Variants in DCAF1 observed in about 807,000 individuals in gnomAD.
DCAF1 encodes DDB1- and CUL4-associated factor 1.
Under a neutral mutation model 128.0 loss-of-function variants are expected in DCAF1, and 15 were observed. That is an observed-to-expected ratio of 0.12 (90% CI 0.08 to 0.18). DCAF1 has a LOEUF of 0.18. DCAF1 is among the 10% of genes least tolerant of loss of function. The pLI, the probability that DCAF1 is intolerant of heterozygous loss-of-function variation, is 1.00. For missense variants in DCAF1, 988 were observed against 1,649.5 expected (o/e 0.60, Z 6.95); for synonymous variants, 610 against 603.0 (o/e 1.01, Z -0.17).
chr3:51,424,058 G>A (rs797031859), intron 13 of DCAF1, among the ~76,000 whole-genome samples: 3 of 152,114 alleles, frequency 2.0e-5, no homozygotes, highest in African/African-American at 7.2e-5. Context: ...AAAAATGTAA[G>A]ATATAAAATT....
Position 51,465,110 on chromosome 3 carries a change from T to C in DCAF1, c.261+1693A>G, listed in dbSNP as rs564834144. On this transcript the variant is annotated intron_variant, in intron 5 of 24. Coordinates refer to ENST00000684031, the MANE Select transcript of DCAF1 (RefSeq NM_001387579.1). ...GTTATTTCAGTAACCAAGTGAAAAA[T>C]TGTTGGCTAAACGGTGGTCTAGCTA... Among the ~76,000 whole-genome samples, 7 of 152,266 alleles carry C rather than the reference T, an allele frequency of 4.6e-5. No homozygotes were observed. The South Asian group carries it at 8.3e-4, about 18-fold the overall frequency.
chr3:51,461,843 A>G (rs1224479897), intron 6 of DCAF1, among the ~76,000 whole-genome samples: 1 of 152,104 alleles, frequency 6.6e-6, no homozygotes, highest in African/African-American at 2.4e-5. Flanking sequence ...GTTCTCACTC[A>G]TAGGTGGGAA....
At chr3:51,427,755 C>CA (rs1266838115) in intron 12 of DCAF1, among the ~76,000 whole-genome samples, 4 of 152,126 alleles carry the variant, frequency 2.6e-5, no homozygotes, top group Admixed American at 6.5e-5. Context: ...GTCTCAGCAT[C>CA]CCAAGTAGCT....
intron 12 of DCAF1, 117 bp from the exon 13 acceptor site, chr3:51,427,658 G>A: frequency 2.3e-6 from 1 of 430,602 alleles, no homozygotes; most frequent in African/African-American, 2.0e-5. Context: ...TTCAAGACAG[G>A]GTCTCACTTT....
intron 18 of DCAF1, 94 bp downstream of exon 18, chr3:51,416,693 C>G: frequency 6.6e-7 from 1 of 1,514,104 alleles, no homozygotes; most frequent in Non-Finnish European, 8.9e-7. Flanking sequence ...TTCTAGTTGC[C>G]CAAAGGACTT....
downstream of DCAF1, chr3:51,396,031 G>C (rs1459248909): frequency 1.9e-5 from 8 of 412,174 alleles, no homozygotes; most frequent in Non-Finnish European, 3.5e-5. Flanking sequence ...TCCTGTTGCA[G>C]GCACACTGCA....
At position 51,496,731 on chromosome 3, in the gene DCAF1, T is replaced by G. The variant is rs1490686847; in HGVS notation, c.-9+3A>C. Among the ~76,000 whole-genome samples, 1 of 152,126 alleles carries G rather than the reference T, an allele frequency of 6.6e-6. No individual in the cohort carries two copies. The highest frequency in any genetic ancestry group is 1.5e-5 in the Non-Finnish European group (1 of 68,028). ...GATTCAAATCCCAACTCTGCTGACA[T>G]ACCTGTGAAGTCTTGGTTATTTAAC... On this transcript the variant is annotated splice_donor_region_variant and intron_variant, in intron 2 of 24. Transcript: ENST00000684031.
chr3:51,491,027 C>T (rs528974317), intron 2 of DCAF1, among the ~76,000 whole-genome samples: 2 of 137,044 alleles, frequency 1.5e-5, no homozygotes, highest in African/African-American at 2.8e-5. Flanking sequence ...CCTGAATAGG[C>T]ACAACAATCT....
At chr3:51,502,139 G>A (rs1708835058), upstream of DCAF1, among the ~76,000 whole-genome samples, 2 of 152,124 alleles carry the variant, frequency 1.3e-5, no homozygotes, top group Admixed American at 6.6e-5. Flanking sequence ...TGACTTCTCC[G>A]CTGGCTGGGG....
chr3:51,459,901 C>A (rs1309260284), intron 6 of DCAF1, among the ~76,000 whole-genome samples: 2 of 152,022 alleles, frequency 1.3e-5, no homozygotes, highest in East Asian at 3.9e-4. Context: ...TTGATGGGAC[C>A]TATCTCAAAA....
In DCAF1 at chr3:51,418,096, T is replaced by C; in HGVS notation, c.3518+20A>G. On this transcript the variant is annotated intron_variant, in intron 17 of 24. Transcript: ENST00000684031. Reference sequence around the variant, plus strand: ...CTAGGTAAATAAAGCACAGACTAGGTTCCAAAAGCAGATACATACTTCATA... The same window carrying C: ...CTAGGTAAATAAAGCACAGACTAGGCTCCAAAAGCAGATACATACTTCATA... 1 of 1,603,870 alleles carries C rather than the reference T, an allele frequency of 6.2e-7. No individual in the cohort carries two copies. Among genetic ancestry groups the C allele is most frequent in the Non-Finnish European group, 8.5e-7 (1 of 1,175,238 alleles).
At chr3:51,483,401 T>C (rs868917062) in intron 3 of DCAF1, among the ~76,000 whole-genome samples, 11 of 151,650 alleles carry the variant, frequency 7.3e-5, no homozygotes, top group Non-Finnish European at 1.2e-4. Flanking sequence ...GATCACACCA[T>C]TGTACTCCAG....
At chr3:51,456,376 CTGAG>C (rs535106520) in intron 6 of DCAF1, among the ~76,000 whole-genome samples, 62 of 152,342 alleles carry the variant, frequency 4.1e-4, no homozygotes, top group Middle Eastern at 3.4e-3. Flanking sequence ...CCCGCCATTG[CTGAG>C]TTAGTTGTTT....
chr3:51,458,627 C>T (rs1367508237), intron 6 of DCAF1, among the ~76,000 whole-genome samples: 2 of 152,166 alleles, frequency 1.3e-5, no homozygotes, highest in Non-Finnish European at 2.9e-5. Flanking sequence ...TTCAGCGCCA[C>T]ACCACACCTA....
At chr3:51,399,447 T>C (rs376885900) in intron 24 of DCAF1, among the ~76,000 whole-genome samples, 2 of 152,108 alleles carry the variant, frequency 1.3e-5, no homozygotes, top group Non-Finnish European at 2.9e-5. Context: ...ACAAGAGAAG[T>C]AGCTACCCAT....
Position 51,443,075 on chromosome 3 carries a change from TAAAATTTGA to T in DCAF1, c.513+682_513+690del, listed in dbSNP as rs1553639324. 4.1e-4 allele frequency among the ~76,000 whole-genome samples: 62 copies of T among 151,890 alleles called. No individual in the cohort carries two copies. The South Asian group carries it at 4.4e-3, about 11-fold the overall frequency. On this transcript the variant is annotated intron_variant, in intron 7 of 24. Transcript: ENST00000684031. The stretch of plus-strand genomic sequence containing the variant: ...TGCAGAAGTACCCCAGAACTTAAAA[TAAAATTTGA>T]TGGGGGGGAGGGAAAAAAAAGGGCA...
In DCAF1 at chr3:51,430,206, T is replaced by A; in HGVS notation, c.1294A>T (p.Met432Leu). Residue 432 changes from methionine (M) to leucine (L), a missense_variant, in exon 11 of 25, where the codon ATG becomes TTG. Around this residue, in one of 11 missense-constraint regions of DCAF1, gnomAD observed 185 missense variants for 248.1 expected, o/e 0.75. Coordinates refer to ENST00000684031, the MANE Select transcript of DCAF1 (RefSeq NM_001387579.1). Reference sequence around the variant, plus strand: ...TCAGACAGAACATTGTGGGGATGCATGCAAACCTGCAAAAAAATACAAATA... The same window carrying A: ...TCAGACAGAACATTGTGGGGATGCAAGCAAACCTGCAAAAAAATACAAATA... ...YNQDAMERVC[M>L]HPHNVLSDVV... 1 of 773,610 alleles carries A rather than the reference T, an allele frequency of 1.3e-6. No individual in the cohort carries two copies. The allele number at this position is 773,610 out of a possible 1,614,324, so 47.9% of individuals were successfully genotyped here.
chr3:51,436,883 A>T (rs555330818), intron 9 of DCAF1, among the ~76,000 whole-genome samples: 3 of 152,330 alleles, frequency 2.0e-5, no homozygotes, highest in Non-Finnish European at 2.9e-5. Flanking sequence ...CAATAAGATG[A>T]AACTTTGTGC....
At chr3:51,500,990 A>C (rs1450388124), upstream of DCAF1, among the ~76,000 whole-genome samples, 1 of 151,802 alleles carries the variant, frequency 6.6e-6, no homozygotes, top group Non-Finnish European at 1.5e-5. Context: ...TAATTTTTAA[A>C]AATTTTTGTA....
Sources: gnomAD v4.1 joint callset for allele counts (sites outside exome capture counted in the v4.1 genomes callset) on GRCh38, gnomAD v4.1.1 for gene constraint, gnomAD v4.1.1 regional missense constraint, MANE v1.5 for transcripts, NCBI Gene and HGNC (gene_info 2026-07-23, HGNC 2026-07-21) for gene names.